Variants in NR3C2 observed in about 807,000 individuals in gnomAD.
NR3C2 encodes mineralocorticoid receptor.
In NR3C2, 15 loss-of-function variants were observed where a neutral mutation model predicts 86.4. The observed-to-expected ratio is 0.17, with a 90% confidence interval of 0.12 to 0.27. NR3C2 has a LOEUF of 0.27. Ranked by LOEUF, NR3C2 falls within the 10% of genes least tolerant of loss-of-function variation. NR3C2 has a pLI of 1.00. For synonymous variants in NR3C2, 458 were observed against 450.5 expected, an observed-to-expected ratio of 1.02 and a Z score of -0.21; for missense variants, 960 against 1,195.6, an observed-to-expected ratio of 0.80 and a Z score of 2.91.
At chr4:148,141,446 TCACACACACA>T (rs763844203) in intron 6 of NR3C2, among the ~76,000 whole-genome samples, 1 of 149,298 alleles carries the variant, frequency 6.7e-6, no homozygotes, top group Non-Finnish European at 1.5e-5. Flanking sequence ...TCCCTCTCTC[TCACACACACA>T]CACACACACA....
At chr4:148,297,761 T>C (rs1298296413) in intron 2 of NR3C2, among the ~76,000 whole-genome samples, 3 of 152,156 alleles carry the variant, frequency 2.0e-5, no homozygotes. Flanking sequence ...TCATTTTGCA[T>C]GTCTGTAATA....
chr4:148,318,076 C>T (rs1743313025), intron 2 of NR3C2, among the ~76,000 whole-genome samples: 1 of 142,866 alleles, frequency 7.0e-6, no homozygotes, highest in Admixed American at 7.5e-5. Context: ...CTTCCTGTGT[C>T]CATGTGATCT....
chr4:148,207,087 AT>A (rs566533443), intron 3 of NR3C2, among the ~76,000 whole-genome samples: 194 of 151,708 alleles, frequency 1.3e-3, no homozygotes, highest in Non-Finnish European at 2.1e-3. Context: ...ATGCCTGGCA[AT>A]TTTTTTTGAT....
chr4:148,303,920 C>A (rs1185375576), intron 2 of NR3C2, among the ~76,000 whole-genome samples: 4 of 152,176 alleles, frequency 2.6e-5, no homozygotes, highest in Admixed American at 2.6e-4. Context: ...GGGTTAAAGG[C>A]GCGTTGACCC....
At chr4:148,366,190 CA>C (rs113149160) in intron 2 of NR3C2, among the ~76,000 whole-genome samples, 2 of 149,348 alleles carry the variant, frequency 1.3e-5, no homozygotes, top group Admixed American at 6.7e-5. Flanking sequence ...GTTTCCAAAT[CA>C]AAAAAAAATA....
chr4:148,279,712 TTAAAG>T (rs2149895005), intron 2 of NR3C2, among the ~76,000 whole-genome samples: 1 of 152,298 alleles, frequency 6.6e-6, no homozygotes, highest in African/African-American at 2.4e-5. Flanking sequence ...ACTACACTGT[TTAAAG>T]TAGTTATTTT....
intron 6 of NR3C2, among the ~76,000 whole-genome samples, chr4:148,149,208 AC>A (rs1733999735): frequency 6.6e-6 from 1 of 152,252 alleles, no homozygotes; most frequent in South Asian, 2.1e-4. Context: ...AGAACAGAGA[AC>A]AAAATGTTCA....
intron 4 of NR3C2, among the ~76,000 whole-genome samples, chr4:148,159,849 C>A (rs886481514): frequency 6.6e-6 from 1 of 152,168 alleles, no homozygotes; most frequent in Admixed American, 6.5e-5. Flanking sequence ...AGTGAACATA[C>A]ATTTGGGAGC....
rs539524373 is a variant in NR3C2 at position 148,156,868 on chromosome 4, C to T, written c.2015-1967G>A. ...GACACATGCACACGTATGTTTATTGCGGCACTATTCACAATAGCAAAGACT... is the reference window on the plus strand; with the variant it reads ...GACACATGCACACGTATGTTTATTGTGGCACTATTCACAATAGCAAAGACT... On this transcript the variant is annotated intron_variant, in intron 4 of 8. Transcript: ENST00000358102. 1.3e-4 allele frequency among the ~76,000 whole-genome samples: 20 copies of T among 152,058 alleles called. No homozygotes were observed. In the East Asian group the frequency reaches 2.5e-3, roughly 19 times the overall value.
chr4:148,257,182 A>AG (rs371305826), intron 3 of NR3C2, among the ~76,000 whole-genome samples: 48 of 152,276 alleles, frequency 3.2e-4, no homozygotes, highest in African/African-American at 1.1e-3. Context: ...TAATCTAACG[A>AG]GGGGCTTAGG....
At chr4:148,291,494 T>C (rs770398195) in intron 2 of NR3C2, among the ~76,000 whole-genome samples, 1 of 152,086 alleles carries the variant, frequency 6.6e-6, no homozygotes, top group Non-Finnish European at 1.5e-5. Flanking sequence ...TCTTTTCCTC[T>C]TACTATCAGT....
chr4:148,391,311 T>TA (rs1488933644), intron 2 of NR3C2, among the ~76,000 whole-genome samples: 12 of 152,332 alleles, frequency 7.9e-5, no homozygotes, highest in Admixed American at 5.9e-4. Context: ...ATCTCATATT[T>TA]AAAGTGAGCT....
At chr4:148,336,702 T>A (rs1744506471) in intron 2 of NR3C2, among the ~76,000 whole-genome samples, 2 of 152,204 alleles carry the variant, frequency 1.3e-5, no homozygotes, top group Admixed American at 6.5e-5. Context: ...AGTACAGGTA[T>A]CTTACATAGC....
intron 3 of NR3C2, among the ~76,000 whole-genome samples, chr4:148,256,921 T>A (rs925293376): frequency 5.9e-5 from 9 of 152,172 alleles, no homozygotes; most frequent in Non-Finnish European, 1.3e-4. Context: ...AAATTTATAC[T>A]TTAAAATCAT....
intron 2 of NR3C2, among the ~76,000 whole-genome samples, chr4:148,412,570 G>T (rs969764205): frequency 3.3e-5 from 5 of 151,790 alleles, no homozygotes; most frequent in Non-Finnish European, 5.9e-5. Flanking sequence ...TGGAGAAGGA[G>T]TAAAAAAAAA....
chr4:148,124,720 G>T (rs1322268353), intron 6 of NR3C2, among the ~76,000 whole-genome samples: 1 of 152,100 alleles, frequency 6.6e-6, no homozygotes. Context: ...CCATTTAGCA[G>T]TATGTTGGAC....
At chr4:148,106,377 C>T (rs970676342) in intron 8 of NR3C2, among the ~76,000 whole-genome samples, 28 of 151,996 alleles carry the variant, frequency 1.8e-4, no homozygotes, top group Admixed American at 7.2e-4. Flanking sequence ...CACAAACAAA[C>T]GGAAAAACAT....
chr4:148,412,312 C>T (rs1451082001), intron 2 of NR3C2, among the ~76,000 whole-genome samples: 1 of 152,124 alleles, frequency 6.6e-6, no homozygotes, highest in Admixed American at 6.6e-5. Context: ...CAATGTATCC[C>T]CTTAATCACT....
At chr4:148,400,107 C>T (rs531660964) in intron 2 of NR3C2, among the ~76,000 whole-genome samples, 5 of 152,326 alleles carry the variant, frequency 3.3e-5, no homozygotes, top group African/African-American at 7.2e-5. Context: ...CAGAAACTGA[C>T]GCTTTTTCAA....
Sources: gnomAD v4.1 joint callset for allele counts (sites outside exome capture counted in the v4.1 genomes callset) on GRCh38, gnomAD v4.1.1 for gene constraint, MANE v1.5 for transcripts, NCBI Gene and HGNC (gene_info 2026-07-23, HGNC 2026-07-21) for gene names.